Variants in PTPRO observed in about 807,000 individuals in gnomAD.
The protein encoded by PTPRO is protein tyrosine phosphatase receptor type O, also known as receptor-type tyrosine-protein phosphatase O.
In PTPRO, 62 loss-of-function variants were observed where a neutral mutation model predicts 145.2. The observed-to-expected ratio is 0.43, with a 90% CI of 0.35 to 0.53. The LOEUF (loss-of-function observed/expected upper bound fraction) is 0.53. Among genes scored for constraint, PTPRO ranks in the 20% least tolerant of loss-of-function variants. The pLI is 0.01. For missense variants in PTPRO, 1,345 were observed against 1,482.7 expected, an observed-to-expected ratio of 0.91 and a Z score of 1.53; for synonymous variants, 565 against 514.7, an observed-to-expected ratio of 1.10 and a Z score of -1.32.
chr12:15,371,579 C>T (rs777577423), intron 1 of PTPRO, among the ~76,000 whole-genome samples: 1 of 152,068 alleles, frequency 6.6e-6, no homozygotes, highest in African/African-American at 2.4e-5. Flanking sequence ...GATGATCAGC[C>T]CTACCCATTC....
intron 1 of PTPRO, among the ~76,000 whole-genome samples, chr12:15,345,831 T>C (rs965921030): frequency 6.6e-5 from 10 of 152,152 alleles, no homozygotes; most frequent in Non-Finnish European, 1.5e-4. Flanking sequence ...AGAGAGGCAC[T>C]AAAGAACAAA....
intron 1 of PTPRO, among the ~76,000 whole-genome samples, chr12:15,453,429 T>C (rs1250516562): frequency 6.6e-6 from 1 of 152,204 alleles, no homozygotes; most frequent in Non-Finnish European, 1.5e-5. Context: ...TAGACAGTGA[T>C]TCAGTTTCCT....
intron 7 of PTPRO, among the ~76,000 whole-genome samples, chr12:15,514,471 A>AG (rs1565676741): frequency 7.4e-6 from 1 of 134,690 alleles, no homozygotes; most frequent in African/African-American, 3.2e-5. Context: ...AAAAAAAAAA[A>AG]AAGAAAGAAC....
intron 1 of PTPRO, among the ~76,000 whole-genome samples, chr12:15,326,210 A>T (rs1866443001): frequency 6.6e-6 from 1 of 152,182 alleles, no homozygotes; most frequent in Non-Finnish European, 1.5e-5. Context: ...GTGAACCATA[A>T]TCCTTTCATT....
chr12:15,499,608 A>T lies in PTPRO; in HGVS notation c.661+14A>T, dbSNP rs183716003. Reference sequence around the variant, plus strand: ...AGCACAGAACTGGTAAGTCTCCTGAAGAATCAAATACAGTGAAAAAATAAT... The same window carrying T: ...AGCACAGAACTGGTAAGTCTCCTGATGAATCAAATACAGTGAAAAAATAAT... On this transcript the variant is annotated intron_variant, in intron 4 of 26. Transcript: ENST00000281171. The T allele has an allele frequency of 2.5e-6, 4 of 1,608,108 alleles. No individual in the cohort carries two copies. In the African/African-American group the frequency reaches 4.0e-5, roughly 16 times the overall value.
intron 1 of PTPRO, among the ~76,000 whole-genome samples, chr12:15,459,741 A>C (rs1719991520): frequency 1.3e-5 from 2 of 152,204 alleles, no homozygotes; most frequent in South Asian, 4.1e-4. Context: ...GTAACAGAGA[A>C]TTTTCATGCA....
intron 1 of PTPRO, among the ~76,000 whole-genome samples, chr12:15,398,981 T>C (rs1277605031): frequency 6.6e-6 from 1 of 152,164 alleles, no homozygotes; most frequent in African/African-American, 2.4e-5. Context: ...TCCACATTTC[T>C]GCACATATTA....
At chr12:15,352,419 G>A (rs1328051080) in intron 1 of PTPRO, among the ~76,000 whole-genome samples, 1 of 152,112 alleles carries the variant, frequency 6.6e-6, no homozygotes, top group African/African-American at 2.4e-5. Flanking sequence ...GGGAGGCCAA[G>A]GTGGGCGGAT....
intron 1 of PTPRO, among the ~76,000 whole-genome samples, chr12:15,462,218 G>T (rs1941320430): frequency 6.6e-6 from 1 of 152,090 alleles, no homozygotes; most frequent in Non-Finnish European, 1.5e-5. Flanking sequence ...TCCACCTCCT[G>T]GGTTCAAGTG....
intron 1 of PTPRO, among the ~76,000 whole-genome samples, chr12:15,394,467 A>G (rs1338636156): frequency 6.6e-6 from 1 of 152,010 alleles, no homozygotes; most frequent in Non-Finnish European, 1.5e-5. Flanking sequence ...ACTACCTTCA[A>G]CTTGTAATTT....
chr12:15,528,414 A>G (rs998598631), intron 12 of PTPRO, among the ~76,000 whole-genome samples: 3 of 151,038 alleles, frequency 2.0e-5, no homozygotes, highest in African/African-American at 7.3e-5. Context: ...AGTCCCAGCT[A>G]CTCGGGAGGC....
At chr12:15,426,150 T>C (rs1940279935) in intron 1 of PTPRO, among the ~76,000 whole-genome samples, 1 of 151,688 alleles carries the variant, frequency 6.6e-6, no homozygotes, top group African/African-American at 2.4e-5. Context: ...GGTAAGCTTA[T>C]TTCTAAGTAT....
chr12:15,525,651 A>G (rs910517506), intron 11 of PTPRO, among the ~76,000 whole-genome samples: 10 of 152,290 alleles, frequency 6.6e-5, no homozygotes, highest in East Asian at 3.9e-4. Context: ...TGTGAACTGA[A>G]CTGTCATTTG....
At chr12:15,589,360 A>T (rs1469376842) in intron 24 of PTPRO, 95 bp from the exon 25 acceptor site, 55 of 1,550,366 alleles carry the variant, frequency 3.5e-5, no homozygotes, top group Non-Finnish European at 4.4e-5. Flanking sequence ...TGGGCAACAG[A>T]GCAAGACTCC....
At chr12:15,516,651 T>A (rs59349401) in intron 8 of PTPRO, 112 bp from the exon 9 acceptor site, 4 of 802,040 alleles carry the variant, frequency 5.0e-6, no homozygotes, top group Non-Finnish European at 8.4e-6. Flanking sequence ...GGGAGGGAGG[T>A]AGGTATTGTA....
At chr12:15,324,824 A>G (rs1866401054) in intron 1 of PTPRO, among the ~76,000 whole-genome samples, 1 of 152,204 alleles carries the variant, frequency 6.6e-6, no homozygotes, top group Non-Finnish European at 1.5e-5. Context: ...TGTTCAAAAA[A>G]AATGGTAAAT....
At chr12:15,467,473 C>T (rs1371431208) in intron 1 of PTPRO, among the ~76,000 whole-genome samples, 1 of 151,658 alleles carries the variant, frequency 6.6e-6, no homozygotes. Flanking sequence ...CAGCCCACAA[C>T]TAATCCATTC....
chr12:15,362,375 GTT>G (rs961072253), intron 1 of PTPRO, among the ~76,000 whole-genome samples: 14 of 152,116 alleles, frequency 9.2e-5, no homozygotes, highest in Non-Finnish European at 7.3e-5. Flanking sequence ...TACATGTCAG[GTT>G]TTGTCCAAAA....
At chr12:15,366,803 A>G (rs1169441265) in intron 1 of PTPRO, among the ~76,000 whole-genome samples, 1 of 152,200 alleles carries the variant, frequency 6.6e-6, no homozygotes, top group Non-Finnish European at 1.5e-5. Flanking sequence ...GATGGTATAA[A>G]CAAATAAATG....
Sources: gnomAD v4.1 joint callset for allele counts (sites outside exome capture counted in the v4.1 genomes callset) on GRCh38, gnomAD v4.1.1 for gene constraint, MANE v1.5 for transcripts, NCBI Gene and HGNC (gene_info 2026-07-23, HGNC 2026-07-21) for gene names.